The following DECR1 variants were observed in gnomAD, a reference collection of about 807,000 sequenced individuals.
DECR1 encodes 2,4-dienoyl-CoA reductase [(3E)-enoyl-CoA-producing], mitochondrial.
A neutral mutation model predicts 38.8 loss-of-function variants in DECR1; 44 were observed. That is an observed-to-expected ratio of 1.13 (90% CI 0.89 to 1.46). The LOEUF (loss-of-function observed/expected upper bound fraction) is 1.46, where lower values mean the gene tolerates loss of function less well. Ranked by LOEUF, DECR1 falls within the 40% of genes most tolerant of loss-of-function variation. DECR1 has a pLI of 0.00. For missense variants in DECR1, 428 were observed against 405.5 expected (o/e 1.06, Z -0.48); for synonymous variants, 148 against 135.2 (o/e 1.09, Z -0.66).
At chr8:90,005,933 T>G in intron 1 of DECR1, 1 of 433,338 alleles carries the variant, frequency 2.3e-6, no homozygotes, top group Non-Finnish European at 4.2e-6. Flanking sequence ...TGTTGGGAGG[T>G]GCCGGCAAGA....
chr8:90,050,467 C>T (rs1814047713), intron 8 of DECR1, among the ~76,000 whole-genome samples: 1 of 152,282 alleles, frequency 6.6e-6, no homozygotes, highest in Middle Eastern at 3.4e-3. Flanking sequence ...ATCAAAACCA[C>T]AGTGAGATAC....
Position 90,017,304 on chromosome 8 carries a change from G to A in DECR1, c.250G>A (p.Ala84Thr), listed in dbSNP as rs143138588. ...GACAACTCTTCTGTCCAGCCTAGGT[G>A]CTCAGTGCGTGATAGCCAGCCGGTA... The part of the protein sequence containing the change: ...GMTTLLSSLG[A>T]QCVIASRKMD... The change falls in exon 2 of 10, where the codon GCT becomes ACT. Residue 84 changes from alanine (A) to threonine (T), a missense_variant. By Grantham distance (58) the Ala-to-Thr change is moderately conservative. Transcript: ENST00000220764. 6 of 1,614,040 alleles carry A rather than the reference G, an allele frequency of 3.7e-6. No homozygotes were observed. The highest frequency in any genetic ancestry group is 3.4e-6 in the Non-Finnish European group (4 of 1,180,028).
chr8:90,011,823 G>T (rs1812889651), intron 1 of DECR1, among the ~76,000 whole-genome samples: 1 of 152,044 alleles, frequency 6.6e-6, no homozygotes, highest in South Asian at 2.1e-4. Context: ...CCTGCATGTG[G>T]ATTTGCTGGG....
At chr8:90,025,258 G>T (rs546328529) in intron 5 of DECR1, among the ~76,000 whole-genome samples, 2 of 152,300 alleles carry the variant, frequency 1.3e-5, no homozygotes, top group East Asian at 1.9e-4. Context: ...ATTCTGTGAA[G>T]AAAGTCATTG....
intron 5 of DECR1, among the ~76,000 whole-genome samples, chr8:90,023,714 G>A (rs1488041319): frequency 4.0e-5 from 6 of 151,466 alleles, no homozygotes; most frequent in Admixed American, 4.0e-4. Flanking sequence ...CTAGTTTGCT[G>A]ATAGCTTTTT....
chr8:90,036,062 C>G (rs1309872644), intron 5 of DECR1, among the ~76,000 whole-genome samples: 2 of 152,066 alleles, frequency 1.3e-5, no homozygotes, highest in Non-Finnish European at 2.9e-5. Context: ...TGTTCTTTGC[C>G]TGGCCTCAAT....
chr8:90,021,189 A>G (rs1344959236), intron 5 of DECR1, 133 bp downstream of exon 5: 6 of 579,182 alleles, frequency 1.0e-5, no homozygotes, highest in Non-Finnish European at 1.6e-5. Flanking sequence ...GAGAAAAATG[A>G]TATTTAAATA....
Position 90,012,372 on chromosome 8 carries a change from C to T in DECR1, c.70-4752C>T, listed in dbSNP as rs563069991. ...TTCACCATGTTGGCCAGGTTGGTCT[C>T]GAACTCCTGATCTCAGGTGGTCCAC... is the stretch of plus-strand genomic sequence containing the variant. On this transcript the variant is annotated intron_variant, in intron 1 of 9. Transcript: ENST00000220764. 1.1e-4 allele frequency among the ~76,000 whole-genome samples: 17 copies of T among 152,062 alleles called. No homozygotes were observed. The South Asian group carries it at 1.9e-3, about 17-fold the overall frequency.
chr8:90,053,461 G>A lies in DECR1; in HGVS notation c.*1564G>A, dbSNP rs1056899124. On this transcript the variant is annotated 3_prime_UTR_variant, in exon 10 of 10. Transcript: ENST00000220764. ...TTGTGTTCACACACCAATAATGATG[G>A]TTTATCACTCACTCCATTTCCAAAC... 6.6e-6 allele frequency among the ~76,000 whole-genome samples: 1 copy of A among 151,944 alleles called. No homozygotes were observed. The highest frequency in any genetic ancestry group is 6.6e-5 in the Admixed American group (1 of 15,236).
At chr8:90,049,323 A>G (rs1485628156) in intron 8 of DECR1, among the ~76,000 whole-genome samples, 1 of 152,258 alleles carries the variant, frequency 6.6e-6, no homozygotes, top group Non-Finnish European at 1.5e-5. Context: ...AAGCAACTTC[A>G]GCAAAGTCTC....
At chr8:90,046,195 G>A (rs1054640376) in intron 8 of DECR1, among the ~76,000 whole-genome samples, 3 of 152,228 alleles carry the variant, frequency 2.0e-5, no homozygotes, top group Admixed American at 6.5e-5. Context: ...TGACTTTGAC[G>A]AGTTGAGAGA....
Position 90,019,099 on chromosome 8 carries a change from A to T in DECR1, c.344A>T (p.Gln115Leu). 6.2e-7 allele frequency: 1 copy of T among 1,614,144 alleles called. No homozygotes were observed. The highest frequency in any genetic ancestry group is 8.5e-7 in the Non-Finnish European group (1 of 1,179,960). The change falls in exon 4 of 10, where the codon CAG becomes CTG. Residue 115 changes from glutamine to leucine, a missense_variant. Transcript: ENST00000220764. ...GTTATTTTGCAGGTTCATGCAATTC[A>T]GTGTGATGTGAGGGATCCTGATATG... Reference protein sequence around the residue: ...SQTGNKVHAIQCDVRDPDMVQ... With the variant: ...SQTGNKVHAILCDVRDPDMVQ...
intron 5 of DECR1, among the ~76,000 whole-genome samples, chr8:90,026,283 A>G (rs887452388): frequency 6.6e-5 from 10 of 152,130 alleles, no homozygotes; most frequent in Admixed American, 4.6e-4. Context: ...GATTGGAATA[A>G]TTTCAGAAGG....
In DECR1 at chr8:90,042,778, A is replaced by T. The variant is rs1813795588; in HGVS notation, c.716A>T (p.Gln239Leu). 1 of 1,613,630 alleles carries T rather than the reference A, an allele frequency of 6.2e-7. No individual in the cohort carries two copies. Among genetic ancestry groups the T allele is most frequent in the Non-Finnish European group, 8.5e-7 (1 of 1,179,636 alleles). Residue 239 changes from glutamine to leucine, a missense_variant, in exon 7 of 10, where the codon CAA (glutamine) becomes CTA (leucine). Coordinates refer to ENST00000220764, the MANE Select transcript of DECR1 (RefSeq NM_001359.2). ...GKYGMRFNVI[Q>L]PGPIKTKGAF... ...TATGGAATGCGATTCAATGTGATTC[A>T]ACCAGGGCCTATAAAAACCAAAGTA...
At position 90,042,808 on chromosome 8, in the gene DECR1, G is replaced by C; in HGVS notation, c.738+8G>C. 6.2e-7 allele frequency: 1 copy of C among 1,608,956 alleles called. No homozygotes were observed. Among genetic ancestry groups the C allele is most frequent in the Non-Finnish European group, 8.5e-7 (1 of 1,175,518 alleles). On this transcript the variant is annotated splice_region_variant and intron_variant, in intron 7 of 9. Coordinates refer to ENST00000220764, the MANE Select transcript of DECR1 (RefSeq NM_001359.2). ...GGGCCTATAAAAACCAAAGTAAGTTGTATTTTGCTTGTTATCACATTGTGA... is the reference window on the plus strand; with the variant it reads ...GGGCCTATAAAAACCAAAGTAAGTTCTATTTTGCTTGTTATCACATTGTGA...
intron 1 of DECR1, among the ~76,000 whole-genome samples, chr8:90,008,214 C>CA (rs1343589802): frequency 6.6e-6 from 1 of 152,204 alleles, no homozygotes; most frequent in African/African-American, 2.4e-5. Flanking sequence ...CCAGTCATTT[C>CA]AGTCAGAGCA....
rs373409808 is a variant in DECR1, at chr8:90,040,175, C to G, written c.666-2553C>G. 3.9e-5 allele frequency among the ~76,000 whole-genome samples: 6 copies of G among 152,224 alleles called. No homozygotes were observed. In the East Asian group the frequency reaches 7.7e-4, roughly 20 times the overall value. On this transcript the variant is annotated intron_variant, in intron 6 of 9. Transcript: ENST00000220764. ...AGGATAATATAGACTCTGCTCAGTA[C>G]AGTAATTCTATTAAGACATGAAGCA...
chr8:90,019,201 G>C, intron 4 of DECR1, 29 bp downstream of exon 4: 1 of 1,563,116 alleles, frequency 6.4e-7, no homozygotes, highest in Non-Finnish European at 8.8e-7. Context: ...AAGCCAAAGT[G>C]CAAGACACTT....
chr8:90,019,207 C>T, intron 4 of DECR1, 35 bp downstream of exon 4: 1 of 1,539,968 alleles, frequency 6.5e-7, no homozygotes, highest in Non-Finnish European at 9.0e-7. Flanking sequence ...AAGTGCAAGA[C>T]ACTTGATGTT....
Sources: allele counts gnomAD v4.1 joint callset (sites outside exome capture counted in the v4.1 genomes callset), GRCh38; gene constraint gnomAD v4.1.1; transcripts MANE v1.5; gene names NCBI Gene and HGNC (gene_info 2026-07-23, HGNC 2026-07-21).